The following CLASP2 variants were observed in gnomAD, a reference collection of about 807,000 sequenced individuals.
CLASP2 encodes the protein CLIP-associating protein 2.
A neutral mutation model predicts 194.4 loss-of-function variants in CLASP2; 47 were observed. That is an observed-to-expected ratio of 0.24 (90% confidence interval 0.19 to 0.31). The LOEUF is 0.31. Among genes scored for constraint, CLASP2 ranks in the 10% least tolerant of loss-of-function variants. The pLI, the probability that CLASP2 is intolerant of heterozygous loss-of-function variation, is 1.00. For missense variants in CLASP2, 1,445 were observed against 1,823.6 expected, an observed-to-expected ratio of 0.79 and a Z score of 3.78; for synonymous variants, 619 against 633.5, an observed-to-expected ratio of 0.98 and a Z score of 0.34.
chr3:33,708,697 GATTT>G (rs1368043139), intron 1 of CLASP2, among the ~76,000 whole-genome samples: 4 of 151,878 alleles, frequency 2.6e-5, no homozygotes, highest in Admixed American at 1.3e-4. Flanking sequence ...TTGAGATAGT[GATTT>G]ATTTTCTTTG....
At chr3:33,556,059 TTTAA>T (rs1202195560) in intron 29 of CLASP2, among the ~76,000 whole-genome samples, 92 of 152,362 alleles carry the variant, frequency 6.0e-4, no homozygotes, top group Non-Finnish European at 8.7e-4. Context: ...TGTGAAATTC[TTTAA>T]TTGTTTGTGA....
At chr3:33,654,986 C>T (rs1406675924) in intron 7 of CLASP2, among the ~76,000 whole-genome samples, 1 of 151,976 alleles carries the variant, frequency 6.6e-6, no homozygotes, top group Non-Finnish European at 1.5e-5. Flanking sequence ...AATGAAGTAA[C>T]GGGACAATCA....
At chr3:33,597,776 A>T (rs2070863814) in intron 18 of CLASP2, among the ~76,000 whole-genome samples, 1 of 146,782 alleles carries the variant, frequency 6.8e-6, no homozygotes, top group Non-Finnish European at 1.5e-5. Flanking sequence ...TTTTTTTAAC[A>T]GAGTCTCGCC....
chr3:33,645,381 G>C (rs918837314), intron 7 of CLASP2: 1 of 760,916 alleles, frequency 1.3e-6, no homozygotes, highest in African/African-American at 1.7e-5. Context: ...GCCAAATACA[G>C]TAAATTCGAT....
At chr3:33,563,877 A>G (rs2062195096) in intron 27 of CLASP2, 1 of 455,958 alleles carries the variant, frequency 2.2e-6, no homozygotes, top group Non-Finnish European at 4.4e-6. Context: ...CTGGAAACAT[A>G]AACTCTTTAT....
intron 21 of CLASP2, among the ~76,000 whole-genome samples, chr3:33,591,294 G>A (rs2068726748): frequency 6.6e-6 from 1 of 152,200 alleles, no homozygotes; most frequent in Non-Finnish European, 1.5e-5. Flanking sequence ...AGAAGGAAGA[G>A]GAACAAATGA....
chr3:33,548,534 T>C (rs1278515060), intron 30 of CLASP2, among the ~76,000 whole-genome samples: 2 of 152,026 alleles, frequency 1.3e-5, no homozygotes, highest in Non-Finnish European at 2.9e-5. Flanking sequence ...CCTGACCTCA[T>C]GATCCACCCG....
intron 21 of CLASP2, among the ~76,000 whole-genome samples, chr3:33,588,075 A>G (rs2067827475): frequency 6.6e-6 from 1 of 152,100 alleles, no homozygotes; most frequent in Non-Finnish European, 1.5e-5. Flanking sequence ...ATGCAAGCGC[A>G]CTCTACAAAT....
chr3:33,716,761 T>A (rs2093319149), intron 1 of CLASP2, among the ~76,000 whole-genome samples: 2 of 152,232 alleles, frequency 1.3e-5, no homozygotes, highest in African/African-American at 4.8e-5. Flanking sequence ...AACTTTATTG[T>A]CCTTGTAAAA....
intron 29 of CLASP2, among the ~76,000 whole-genome samples, chr3:33,551,607 TC>T (rs2060017357): frequency 6.6e-6 from 1 of 152,024 alleles, no homozygotes; most frequent in African/African-American, 2.4e-5. Context: ...GCATGAGCCA[TC>T]ATGCCCAGCC....
chr3:33,715,170 T>C (rs1156937545), intron 1 of CLASP2, among the ~76,000 whole-genome samples: 4 of 152,240 alleles, frequency 2.6e-5, no homozygotes, highest in African/African-American at 9.6e-5. Flanking sequence ...GTCACCTTTC[T>C]TGACCACCCA....
chr3:33,696,740 A>T, intron 2 of CLASP2, 115 bp downstream of exon 2: 1 of 786,292 alleles, frequency 1.3e-6, no homozygotes, highest in Non-Finnish European at 2.1e-6. Context: ...TGCTGGGATT[A>T]CAGAAATTAC....
intron 10 of CLASP2, among the ~76,000 whole-genome samples, chr3:33,623,760 A>G (rs1418949846): frequency 2.0e-5 from 3 of 152,136 alleles, no homozygotes; most frequent in African/African-American, 4.8e-5. Flanking sequence ...TCTTTCCAAT[A>G]TATTGATTTC....
chr3:33,514,577 T>C (rs540715507), intron 36 of CLASP2: 78 of 197,978 alleles, frequency 3.9e-4, no homozygotes, highest in Non-Finnish European at 7.7e-4. Context: ...CTACCATAGA[T>C]ACCTAATGCT....
At chr3:33,608,457 A>G in intron 14 of CLASP2, 110 bp downstream of exon 14, 1 of 862,060 alleles carries the variant, frequency 1.2e-6, no homozygotes, top group Non-Finnish European at 1.9e-6. Flanking sequence ...AAACCAGTAC[A>G]AATAACCTTT....
At chr3:33,713,012 C>CAAAAAAAAAAAAAAAAAAAAAAAAAA (rs57940200) in intron 1 of CLASP2, among the ~76,000 whole-genome samples, 22 of 47,004 alleles carry the variant, frequency 4.7e-4, no homozygotes, top group South Asian at 8.3e-4. Flanking sequence ...AACTCCACCT[C>CAAAAAAAAAAAAAAAAAAAAAAAAAA]AAAAAAAAAA....
At chr3:33,600,088 T>G (rs113544267) in intron 18 of CLASP2, among the ~76,000 whole-genome samples, 3,378 of 151,140 alleles carry the variant, frequency 0.022, 45 homozygotes, top group Non-Finnish European at 0.026. Flanking sequence ...TATATTTTTT[T>G]TGTGTGTGTG....
intron 21 of CLASP2, chr3:33,592,181 C>A: frequency 1.4e-6 from 1 of 704,260 alleles, no homozygotes; most frequent in Non-Finnish European, 2.6e-6. Context: ...AAAACATGCA[C>A]AACAACTGAT....
chr3:33,550,495 G>C (rs969376708), intron 30 of CLASP2, among the ~76,000 whole-genome samples: 25 of 151,604 alleles, frequency 1.6e-4, no homozygotes, highest in African/African-American at 5.8e-4. Context: ...GTGTGCAGCA[G>C]GCCTGGGGAG....
Sources: gnomAD v4.1 joint callset for allele counts (sites outside exome capture counted in the v4.1 genomes callset) on GRCh38, gnomAD v4.1.1 for gene constraint, MANE v1.5 for transcripts, NCBI Gene and HGNC (gene_info 2026-07-23, HGNC 2026-07-21) for gene names.